STOX2: variants seen among roughly 807,000 people sequenced by gnomAD.
STOX2 encodes the protein storkhead-box protein 2.
Under a neutral mutation model 60.9 loss-of-function variants are expected in STOX2, and 28 were observed. The observed-to-expected ratio is 0.46, with a 90% CI of 0.34 to 0.63. The LOEUF is 0.63. Among genes scored for constraint, STOX2 ranks in the 30% least tolerant of loss-of-function variants. The probability of loss-of-function intolerance (pLI) is 0.01; values close to 1 mark genes in which losing one functional copy is unlikely to be tolerated. For missense variants in STOX2, 1,024 were observed against 1,187.7 expected, an observed-to-expected ratio of 0.86 and a Z score of 2.03; for synonymous variants, 472 against 463.9, an observed-to-expected ratio of 1.02 and a Z score of -0.22.
rs1740178760 is a variant in STOX2, at chr4:183,852,548, G to GAAAGGATGAGAGAAAGGATGAGA, written c.364+54493_364+54494insAAAGGATGAGAGAAAGGATGAGA. On this transcript the variant is annotated intron_variant, in intron 1 of 2. Transcript: ENST00000513034. ...GGGAAAGGATGAGGGAAAGGATGAGGGAAAGGATGAGAGAAAGGATGAGGG... is the reference window on the plus strand; with the variant it reads ...GGGAAAGGATGAGGGAAAGGATGAGGAAAGGATGAGAGAAAGGATGAGAGAAAGGATGAGAGAAAGGATGAGGG... 7.1e-5 allele frequency among the ~76,000 whole-genome samples: 5 copies of GAAAGGATGAGAGAAAGGATGAGA among 70,174 alleles called. 2 individuals are homozygous for GAAAGGATGAGAGAAAGGATGAGA. Among genetic ancestry groups the GAAAGGATGAGAGAAAGGATGAGA allele is most frequent in the Admixed American group, 4.6e-4 (3 of 6,558 alleles). The allele number at this position is 70,174 out of a possible 152,430, so 46.0% of individuals were successfully genotyped here. A position where few individuals can be genotyped will look rare whatever the true frequency, so the allele number is the denominator to read the frequency against.
chr4:184,007,093 C>T (rs1391479909), intron 2 of STOX2, among the ~76,000 whole-genome samples: 1 of 150,900 alleles, frequency 6.6e-6, no homozygotes, highest in Non-Finnish European at 1.5e-5. Flanking sequence ...AAAACTAATG[C>T]TCACTTGCCA....
At chr4:183,881,470 T>A (rs550318618) in intron 1 of STOX2, among the ~76,000 whole-genome samples, 13 of 152,104 alleles carry the variant, frequency 8.5e-5, no homozygotes, top group Non-Finnish European at 1.9e-4. Flanking sequence ...CCACTGCACT[T>A]CAGCCTGGCG....
chr4:183,954,061 G>A (rs114926687), intron 1 of STOX2, among the ~76,000 whole-genome samples: 1,664 of 152,204 alleles, frequency 0.011, 13 homozygotes, highest in Non-Finnish European at 0.019. Flanking sequence ...CACCCCTTCC[G>A]TCGTCATTCG....
At chr4:184,006,113 G>A (rs1026968462) in intron 2 of STOX2, among the ~76,000 whole-genome samples, 7 of 152,090 alleles carry the variant, frequency 4.6e-5, no homozygotes, top group Admixed American at 1.3e-4. Flanking sequence ...CATTTGGAAG[G>A]CCTACAGTCA....
At chr4:183,818,929 G>C (rs1045342691) in intron 1 of STOX2, among the ~76,000 whole-genome samples, 5 of 151,146 alleles carry the variant, frequency 3.3e-5, no homozygotes, top group Admixed American at 1.3e-4. Context: ...GGAAGAGGCG[G>C]TCCTCACTTC....
chr4:183,911,872 C>A (rs1164331090), intron 1 of STOX2, among the ~76,000 whole-genome samples: 1 of 152,054 alleles, frequency 6.6e-6, no homozygotes. Flanking sequence ...GTGTGTGATG[C>A]CTAATCTATA....
At chr4:183,945,067 A>G (rs1027868149) in intron 1 of STOX2, among the ~76,000 whole-genome samples, 1 of 152,234 alleles carries the variant, frequency 6.6e-6, no homozygotes, top group African/African-American at 2.4e-5. Context: ...GTCAAGTTCA[A>G]AAGAGTGCCT....
chr4:183,915,172 G>T (rs1472191804), intron 1 of STOX2, among the ~76,000 whole-genome samples: 3 of 152,206 alleles, frequency 2.0e-5, no homozygotes, highest in Non-Finnish European at 4.4e-5. Context: ...GCAGATGCCT[G>T]TGGGCAGTCG....
chr4:183,801,683 G>T (rs1261858894), intron 1 of STOX2, among the ~76,000 whole-genome samples: 3 of 152,208 alleles, frequency 2.0e-5, no homozygotes, highest in Non-Finnish European at 4.4e-5. Flanking sequence ...GGAAGGAGGT[G>T]CCCGGAGCTT....
chr4:183,975,748 A>G (rs902652308), intron 1 of STOX2, among the ~76,000 whole-genome samples: 2 of 152,218 alleles, frequency 1.3e-5, no homozygotes, highest in Non-Finnish European at 2.9e-5. Flanking sequence ...ACATTTGTGG[A>G]AGAAATGACA....
chr4:183,925,071 A>T (rs1377088750), intron 1 of STOX2, among the ~76,000 whole-genome samples: 1 of 152,174 alleles, frequency 6.6e-6, no homozygotes, highest in East Asian at 1.9e-4. Flanking sequence ...AAGTAGAAGG[A>T]TCTAGAGTAA....
At chr4:183,827,941 A>G (rs1040781255) in intron 1 of STOX2, among the ~76,000 whole-genome samples, 1 of 151,802 alleles carries the variant, frequency 6.6e-6, no homozygotes, top group Non-Finnish European at 1.5e-5. Flanking sequence ...CCTCAATGCC[A>G]TTATCAGACT....
intron 1 of STOX2, among the ~76,000 whole-genome samples, chr4:183,813,557 G>C (rs1050539718): frequency 6.6e-6 from 1 of 152,122 alleles, no homozygotes; most frequent in Non-Finnish European, 1.5e-5. Context: ...TCGTATTCTT[G>C]GTATCTGATC....
chr4:183,993,818 T>A (rs934781846), intron 1 of STOX2, among the ~76,000 whole-genome samples: 4 of 152,238 alleles, frequency 2.6e-5, no homozygotes, highest in African/African-American at 9.6e-5. Context: ...AATAGTCATC[T>A]GGTTTCAAAG....
chr4:183,924,688 T>C (rs1186141656), intron 1 of STOX2, among the ~76,000 whole-genome samples: 2 of 151,964 alleles, frequency 1.3e-5, no homozygotes, highest in African/African-American at 4.8e-5. Flanking sequence ...GAAAATGGAT[T>C]GTAGGGCCTA....
At chr4:183,952,476 G>A (rs1743123540) in intron 1 of STOX2, among the ~76,000 whole-genome samples, 1 of 152,138 alleles carries the variant, frequency 6.6e-6, no homozygotes, top group Non-Finnish European at 1.5e-5. Flanking sequence ...GTTTAGTTAG[G>A]GGAGTTTCCT....
At chr4:183,864,416 AT>A (rs1264847590) in intron 1 of STOX2, among the ~76,000 whole-genome samples, 2 of 152,134 alleles carry the variant, frequency 1.3e-5, no homozygotes, top group Middle Eastern at 3.2e-3. Flanking sequence ...TATTTTTGAA[AT>A]GGGGTCTTAC....
chr4:183,804,599 G>A (rs1227303816), intron 1 of STOX2, among the ~76,000 whole-genome samples: 1 of 152,210 alleles, frequency 6.6e-6, no homozygotes, highest in Non-Finnish European at 1.5e-5. Context: ...AAAATTTAGA[G>A]AAGTTTAAGA....
chr4:184,000,864 T>C (rs1399604095), intron 1 of STOX2, among the ~76,000 whole-genome samples: 2 of 152,238 alleles, frequency 1.3e-5, no homozygotes, highest in Non-Finnish European at 2.9e-5. Context: ...GCAGAGATGT[T>C]TGGGGAGAGG....
Sources: gnomAD v4.1 joint callset for allele counts (sites outside exome capture counted in the v4.1 genomes callset) on GRCh38, gnomAD v4.1.1 for gene constraint, MANE v1.5 for transcripts, NCBI Gene and HGNC (gene_info 2026-07-23, HGNC 2026-07-21) for gene names.